APOE: variants seen among roughly 807,000 people sequenced by gnomAD.
The protein encoded by APOE is apolipoprotein E3.
APOE carries 10 observed loss-of-function variants against 13.1 expected under a neutral mutation model. That is an observed-to-expected ratio of 0.76 (90% confidence interval 0.47 to 1.29). APOE has a LOEUF of 1.29. APOE is among the 50% of genes most tolerant of loss of function. The pLI is 0.00. For missense variants in APOE, 471 were observed against 459.6 expected, an observed-to-expected ratio of 1.02 and a Z score of -0.23; for synonymous variants, 211 against 207.1, an observed-to-expected ratio of 1.02 and a Z score of -0.16.
intron 1 of APOE, 60 bp downstream of exon 1, chr19:44,905,901 C>A: frequency 7.7e-7 from 1 of 1,296,400 alleles, no homozygotes; most frequent in Non-Finnish European, 1.0e-6. Flanking sequence ...AGAGCTGGGA[C>A]CCTGGGAACC....
intron 2 of APOE, chr19:44,906,933 T>C (rs990551157): frequency 3.5e-5 from 18 of 517,412 alleles, no homozygotes; most frequent in African/African-American, 3.5e-4. Context: ...CAGGCTGGAG[T>C]GCAGTGGCGG....
chr19:44,908,466 C>T (rs897737201), intron 3 of APOE, 67 bp from the exon 4 acceptor site: 17 of 1,537,124 alleles, frequency 1.1e-5, no homozygotes, highest in Middle Eastern at 1.7e-4. Context: ...CCCCATCTCG[C>T]CCGCCCCATC....
In APOE at chr19:44,907,799, C is replaced by G; in HGVS notation, c.83C>G (p.Pro28Arg). The G allele has an allele frequency of 6.2e-7, 1 of 1,613,554 alleles. No individual in the cohort carries two copies. Among genetic ancestry groups the G allele is most frequent in the South Asian group, 1.1e-5 (1 of 91,034 alleles). The change falls in exon 3 of 4, where the codon CCG becomes CGG. Residue 28 changes from proline (P) to arginine (R), a missense_variant. Coordinates refer to ENST00000252486, the MANE Select transcript of APOE (RefSeq NM_000041.4). The surrounding 1 kb of genome is among the most constrained non-coding windows in gnomAD (Gnocchi z 4.1). ...AKVEQAVETE[P>R]EPELRQQTEW... ...GTGGAGCAAGCGGTGGAGACAGAGCCGGAGCCCGAGCTGCGCCAGCAGACC... is the reference window on the plus strand; with the variant it reads ...GTGGAGCAAGCGGTGGAGACAGAGCGGGAGCCCGAGCTGCGCCAGCAGACC...
rs962813834 is a variant in APOE at position 44,909,392 on chromosome 19, C to T, written c.*142C>T. 1 of 745,598 alleles carries T rather than the reference C, an allele frequency of 1.3e-6. No individual in the cohort carries two copies. Among genetic ancestry groups the T allele is most frequent in the African/African-American group, 1.7e-5 (1 of 57,484 alleles). 46.2% of individuals were successfully genotyped at this position (745,598 alleles called of 1,614,324 possible). On this transcript the variant is annotated 3_prime_UTR_variant, in exon 4 of 4. Coordinates refer to ENST00000252486, the MANE Select transcript of APOE (RefSeq NM_000041.4). Reference sequence around the variant, plus strand: ...TAATAAAGATTCACCAAGTTTCACGCATCTGCTGGCCTCCCCCTGTGATTT... The same window carrying T: ...TAATAAAGATTCACCAAGTTTCACGTATCTGCTGGCCTCCCCCTGTGATTT...
Position 44,908,654 on chromosome 19 carries a change from G to A in APOE, c.358G>A (p.Ala120Thr). The A allele has an allele frequency of 6.3e-7, 1 of 1,589,660 alleles. No homozygotes were observed. Reference sequence around the variant, plus strand: ...GTCCAAGGAGCTGCAGGCGGCGCAGGCCCGGCTGGGCGCGGACATGGAGGA... The same window carrying A: ...GTCCAAGGAGCTGCAGGCGGCGCAGACCCGGCTGGGCGCGGACATGGAGGA... ...RLSKELQAAQ[A>T]RLGADMEDVC... Residue 120 changes from alanine (A) to threonine (T), a missense_variant, in exon 4 of 4, where the codon GCC (alanine) becomes ACC (threonine). Physicochemically the swap from Ala to Thr is moderately conservative, Grantham distance 58 (BLOSUM62 0). Coordinates refer to ENST00000252486, the MANE Select transcript of APOE (RefSeq NM_000041.4).
chr19:44,906,184 G>GGTA (rs1969803260), intron 1 of APOE, among the ~76,000 whole-genome samples: 1 of 152,136 alleles, frequency 6.6e-6, no homozygotes. Flanking sequence ...GCAGCGACAC[G>GGTA]GTAGCTAGCC....
At chr19:44,908,210 T>C (rs1359031268) in intron 3 of APOE, among the ~76,000 whole-genome samples, 12 of 152,142 alleles carry the variant, frequency 7.9e-5, no homozygotes, top group Admixed American at 7.9e-4. Flanking sequence ...CTCTTTTATA[T>C]AGAGACAGAG....
chr19:44,906,562 G>A (rs1393650455), intron 1 of APOE, 40 bp from the exon 2 acceptor site: 1 of 1,612,846 alleles, frequency 6.2e-7, no homozygotes. Context: ...GGTGGGAGGA[G>A]TCCTCACTGG....
rs1312338515 is a variant in APOE, at chr19:44,909,381, C to A, written c.*131C>A. On this transcript the variant is annotated 3_prime_UTR_variant, in exon 4 of 4. Coordinates refer to ENST00000252486, the MANE Select transcript of APOE (RefSeq NM_000041.4). ...GGACCCTAGTTTAATAAAGATTCAC[C>A]AAGTTTCACGCATCTGCTGGCCTCC... 3 of 830,460 alleles carry A rather than the reference C, an allele frequency of 3.6e-6. No homozygotes were observed. The East Asian group carries it at 8.0e-5, about 22-fold the overall frequency. 51.4% of individuals were successfully genotyped at this position (830,460 alleles called of 1,614,324 possible).
At chr19:44,906,140 G>T (rs1437008801) in intron 1 of APOE, among the ~76,000 whole-genome samples, 1 of 152,132 alleles carries the variant, frequency 6.6e-6, no homozygotes, top group Non-Finnish European at 1.5e-5. Flanking sequence ...GGTGTCCCCA[G>T]TGTCCTCAGA....
Position 44,909,354 on chromosome 19 carries a change from G to A in APOE, c.*104G>A, listed in dbSNP as rs938557696. 1 of 1,059,054 alleles carries A rather than the reference G, an allele frequency of 9.4e-7. No individual in the cohort carries two copies. Among genetic ancestry groups the A allele is most frequent in the East Asian group, 2.5e-5 (1 of 40,318 alleles). The allele number at this position is 1,059,054 out of a possible 1,614,324, so 65.6% of individuals were successfully genotyped here. A position where few individuals can be genotyped will look rare whatever the true frequency, so the allele number is the denominator to read the frequency against. ...TCCCCGCCCCAGCCGTCCTCCTGGG[G>A]TGGACCCTAGTTTAATAAAGATTCA... On this transcript the variant is annotated 3_prime_UTR_variant, in exon 4 of 4. Transcript: ENST00000252486.
Position 44,908,517 on chromosome 19 carries a change from G to A in APOE, c.237-16G>A, listed in dbSNP as rs537609941. The A allele has an allele frequency of 2.6e-6, 4 of 1,559,150 alleles. No homozygotes were observed. Among genetic ancestry groups the A allele is most frequent in the South Asian group, 1.2e-5 (1 of 85,750 alleles). ...GCCTCCCACTGTGCGACACCCTCCC[G>A]CCCTCTCGGCCGCAGGGCGCTGATG... On this transcript the variant is annotated splice_polypyrimidine_tract_variant and intron_variant, in intron 3 of 3. Coordinates refer to ENST00000252486, the MANE Select transcript of APOE (RefSeq NM_000041.4).
In APOE at chr19:44,907,800, G is replaced by A. The variant is rs150688032; in HGVS notation, c.84G>A (p.Pro28=). The A allele has an allele frequency of 2.2e-5, 35 of 1,613,498 alleles. No individual in the cohort carries two copies. Among genetic ancestry groups the A allele is most frequent in the Admixed American group, 6.7e-5 (4 of 59,970 alleles). The part of the protein sequence containing the change: ...AKVEQAVETE[P]EPELRQQTEW... Reference sequence around the variant, plus strand: ...TGGAGCAAGCGGTGGAGACAGAGCCGGAGCCCGAGCTGCGCCAGCAGACCG... The same window carrying A: ...TGGAGCAAGCGGTGGAGACAGAGCCAGAGCCCGAGCTGCGCCAGCAGACCG... The change falls in exon 3 of 4, where the codon CCG becomes CCA. Residue 28 remains proline, a synonymous_variant. Transcript: ENST00000252486. This position sits in a 1 kb window ranked among gnomAD's most constrained non-coding sequence, Gnocchi z 4.1.
At position 44,908,916 on chromosome 19, in the gene APOE, G is replaced by A. The variant is rs1459489355; in HGVS notation, c.620G>A (p.Arg207His). Residue 207 changes from arginine to histidine, a missense_variant, in exon 4 of 4, where the codon CGC becomes CAC. By Grantham distance (29) the Arg-to-His change is conservative. Transcript: ENST00000252486. ...ERLGPLVEQG[R>H]VRAATVGSLA... ...CTGGGGCCCCTGGTGGAACAGGGCC[G>A]CGTGCGGGCCGCCACTGTGGGCTCC... The A allele has an allele frequency of 2.0e-6, 3 of 1,470,416 alleles. No homozygotes were observed. Among genetic ancestry groups the A allele is most frequent in the Admixed American group, 2.5e-5 (1 of 40,466 alleles). 91.1% of individuals were successfully genotyped at this position (1,470,416 alleles called of 1,614,324 possible). A position where few individuals can be genotyped will look rare whatever the true frequency, so the allele number is the denominator to read the frequency against.
chr19:44,908,841 C>A lies in APOE; in HGVS notation c.545C>A (p.Ala182Asp). The part of the protein sequence containing the change: ...DLQKRLAVYQ[A>D]GAREGAERGL... The stretch of plus-strand genomic sequence containing the variant: ...CAGAAGCGCCTGGCAGTGTACCAGG[C>A]CGGGGCCCGCGAGGGCGCCGAGCGC... Residue 182 changes from alanine (A) to aspartate (D), a missense_variant, in exon 4 of 4, where the codon GCC becomes GAC. Transcript: ENST00000252486. 1 of 1,530,322 alleles carries A rather than the reference C, an allele frequency of 6.5e-7. No homozygotes were observed. Among genetic ancestry groups the A allele is most frequent in the African/African-American group, 1.4e-5 (1 of 72,586 alleles). The allele number at this position is 1,530,322 out of a possible 1,614,324, so 94.8% of individuals were successfully genotyped here.
In APOE at chr19:44,909,332, C is replaced by T. The variant is rs1044359984; in HGVS notation, c.*82C>T. The stretch of plus-strand genomic sequence containing the variant: ...CAGCCTGCAGCGGGAGACCCTGTCC[C>T]CGCCCCAGCCGTCCTCCTGGGGTGG... On this transcript the variant is annotated 3_prime_UTR_variant, in exon 4 of 4. Transcript: ENST00000252486. 3.0e-6 allele frequency: 4 copies of T among 1,329,666 alleles called. No individual in the cohort carries two copies. Among genetic ancestry groups the T allele is most frequent in the Admixed American group, 3.5e-5 (2 of 56,484 alleles). 82.4% of individuals were successfully genotyped at this position (1,329,666 alleles called of 1,614,324 possible).
chr19:44,909,235 C>T lies in APOE; in HGVS notation c.939C>T (p.Pro313=). Residue 313 remains proline, a synonymous_variant, in exon 4 of 4, where the codon CCC becomes CCT. Coordinates refer to ENST00000252486, the MANE Select transcript of APOE (RefSeq NM_000041.4). ...AAVGTSAAPV[P]SDNH is the part of the protein sequence containing the mutation. Reference sequence around the variant, plus strand: ...TGGGCACCAGCGCCGCCCCTGTGCCCAGCGACAATCACTGAACGCCGAAGC... The same window carrying T: ...TGGGCACCAGCGCCGCCCCTGTGCCTAGCGACAATCACTGAACGCCGAAGC... The T allele has an allele frequency of 6.3e-7, 1 of 1,596,798 alleles. No homozygotes were observed. Among genetic ancestry groups the T allele is most frequent in the Admixed American group, 1.7e-5 (1 of 59,914 alleles).
rs1184454715 is a variant in APOE, at chr19:44,908,881, C to T, written c.585C>T (p.Ile195=). 1 of 1,490,424 alleles carries T rather than the reference C, an allele frequency of 6.7e-7. No homozygotes were observed. The highest frequency in any genetic ancestry group is 1.4e-5 in the African/African-American group (1 of 69,142). 92.3% of individuals were successfully genotyped at this position (1,490,424 alleles called of 1,614,324 possible). Residue 195 remains isoleucine, a synonymous_variant, in exon 4 of 4, where the codon ATC becomes ATT. Coordinates refer to ENST00000252486, the MANE Select transcript of APOE (RefSeq NM_000041.4). ...GCGCCGAGCGCGGCCTCAGCGCCAT[C>T]CGCGAGCGCCTGGGGCCCCTGGTGG... ...REGAERGLSA[I]RERLGPLVEQ...
Position 44,906,944 on chromosome 19 carries a change from G to T in APOE, c.43+277G>T. On this transcript the variant is annotated intron_variant, in intron 2 of 3. Coordinates refer to ENST00000252486, the MANE Select transcript of APOE (RefSeq NM_000041.4). ...CGCCCAGGCTGGAGTGCAGTGGCGGGATCTCGGCTCACTGCAAGCTCCGCC... is the reference window on the plus strand; with the variant it reads ...CGCCCAGGCTGGAGTGCAGTGGCGGTATCTCGGCTCACTGCAAGCTCCGCC... The T allele has an allele frequency of 6.2e-6, 3 of 486,484 alleles. No individual in the cohort carries two copies. The South Asian group carries it at 6.8e-5, about 11-fold the overall frequency. The allele number at this position is 486,484 out of a possible 1,614,324, so 30.1% of individuals were successfully genotyped here.
Sources: allele counts gnomAD v4.1 joint callset (sites outside exome capture counted in the v4.1 genomes callset), GRCh38; gene constraint gnomAD v4.1.1; non-coding constraint Gnocchi (gnomAD v3.1); transcripts MANE v1.5; gene names NCBI Gene and HGNC (gene_info 2026-07-23, HGNC 2026-07-21).